RPEL1: variants seen among roughly 807,000 people sequenced by gnomAD.
RPEL1 encodes ribulose-phosphate 3-epimerase-like protein 1.
Under a neutral mutation model 12.8 loss-of-function variants are expected in RPEL1, and 7 were observed. The observed-to-expected ratio is 0.55, with a 90% CI of 0.31 to 1.03. The LOEUF (loss-of-function observed/expected upper bound fraction) is 1.03. RPEL1 is among the 50% of genes least tolerant of loss of function. The pLI is 0.05. For missense variants in RPEL1, 237 were observed against 289.4 expected, an observed-to-expected ratio of 0.82 and a Z score of 1.31; for synonymous variants, 91 against 102.0, an observed-to-expected ratio of 0.89 and a Z score of 0.65.
Position 103,247,861 on chromosome 10 carries a change from T to C in RPEL1, c.*1178T>C, listed in dbSNP as rs1254189026. 6.0e-6 allele frequency: 1 copy of C among 167,004 alleles called. No homozygotes were observed. The highest frequency in any genetic ancestry group is 1.5e-5 in the Non-Finnish European group (1 of 68,108). The allele number at this position is 167,004 out of a possible 1,614,324, so 10.3% of individuals were successfully genotyped here. A position where few individuals can be genotyped will look rare whatever the true frequency, so the allele number is the denominator to read the frequency against. On this transcript the variant is annotated 3_prime_UTR_variant, in exon 1 of 1. Transcript: ENST00000441178. ...TTACATATATGTTGTCAACAAATCC[T>C]CAGGATAATTCTAAGGCAATTCTAC...
Position 103,246,189 on chromosome 10 carries a change from C to G in RPEL1, c.193C>G (p.Pro65Ala). 6.2e-7 allele frequency: 1 copy of G among 1,614,178 alleles called. No individual in the cohort carries two copies. The highest frequency in any genetic ancestry group is 8.5e-7 in the Non-Finnish European group (1 of 1,180,046). ...ESLRKQLGQD[P>A]FFDMHMMVSK... ...CCTTCGAAAGCAGCTAGGCCAGGACCCTTTCTTTGACATGCACATGATGGT... is the reference window on the plus strand; with the variant it reads ...CCTTCGAAAGCAGCTAGGCCAGGACGCTTTCTTTGACATGCACATGATGGT... Residue 65 changes from proline (P) to alanine (A), a missense_variant, in exon 1 of 1, where the codon CCT (proline) becomes GCT (alanine). Transcript: ENST00000441178.
rs2093008217 is a variant in RPEL1 at position 103,246,370 on chromosome 10, T to C, written c.374T>C (p.Val125Ala). ...VGLAIKPGTS[V>A]EYLAPWANQI... Reference sequence around the variant, plus strand: ...CTTGCCATCAAACCAGGAACCTCAGTTGAGTATTTGGCACCATGGGCTAAT... The same window carrying C: ...CTTGCCATCAAACCAGGAACCTCAGCTGAGTATTTGGCACCATGGGCTAAT... Residue 125 changes from valine (V) to alanine (A), a missense_variant, in exon 1 of 1, where the codon GTT becomes GCT. Val to Ala is a moderately conservative substitution (Grantham distance 64). Coordinates refer to ENST00000441178, the MANE Select transcript of RPEL1 (RefSeq NM_001143909.1). 1.2e-6 allele frequency: 2 copies of C among 1,614,164 alleles called. No individual in the cohort carries two copies. Among genetic ancestry groups the C allele is most frequent in the Non-Finnish European group, 8.5e-7 (1 of 1,180,042 alleles).
At position 103,246,221 on chromosome 10, in the gene RPEL1, G is replaced by A; in HGVS notation, c.225G>A (p.Lys75=). The A allele has an allele frequency of 6.2e-7, 1 of 1,614,238 alleles. No homozygotes were observed. The highest frequency in any genetic ancestry group is 8.5e-7 in the Non-Finnish European group (1 of 1,180,038). ...PFFDMHMMVS[K]PEQWVKPMAV... Reference sequence around the variant, plus strand: ...TTGACATGCACATGATGGTGTCCAAGCCAGAACAGTGGGTAAAGCCAATGG... The same window carrying A: ...TTGACATGCACATGATGGTGTCCAAACCAGAACAGTGGGTAAAGCCAATGG... Residue 75 remains lysine, a synonymous_variant, in exon 1 of 1, where the codon AAG becomes AAA. Coordinates refer to ENST00000441178, the MANE Select transcript of RPEL1 (RefSeq NM_001143909.1).
chr10:103,246,678 C>T, the RPEL1 span: 25 of 1,611,442 alleles, frequency 1.6e-5, no homozygotes, highest in African/African-American at 4.0e-5. Context: ...TTCTCTTGAT[C>T]GATGAAACCA....
Position 103,246,965 on chromosome 10 carries a change from A to G in RPEL1, c.*282A>G. The G allele has an allele frequency of 4.4e-6, 2 of 456,132 alleles. No homozygotes were observed. The highest frequency in any genetic ancestry group is 8.0e-6 in the Non-Finnish European group (2 of 249,842). The allele number at this position is 456,132 out of a possible 1,614,324, so 28.3% of individuals were successfully genotyped here. The stretch of plus-strand genomic sequence containing the variant: ...GTAAAAATACGGCTGCATTAAGGTT[A>G]CAAACAGAAAAGTGTCTTAATGCCT... On this transcript the variant is annotated 3_prime_UTR_variant, in exon 1 of 1. Coordinates refer to ENST00000441178, the MANE Select transcript of RPEL1 (RefSeq NM_001143909.1).
rs1224741146 is a variant in RPEL1, at chr10:103,247,745, T to G, written c.*1062T>G. 1 of 166,916 alleles carries G rather than the reference T, an allele frequency of 6.0e-6. No homozygotes were observed. The highest frequency in any genetic ancestry group is 1.5e-5 in the Non-Finnish European group (1 of 68,106). The allele number at this position is 166,916 out of a possible 1,614,324, so 10.3% of individuals were successfully genotyped here. On this transcript the variant is annotated 3_prime_UTR_variant, in exon 1 of 1. Transcript: ENST00000441178. Reference sequence around the variant, plus strand: ...AAAAAAAAAGTGTTCCCTAACAGTTTCCAGAGCACGAGCTGAAGGGATTGA... The same window carrying G: ...AAAAAAAAAGTGTTCCCTAACAGTTGCCAGAGCACGAGCTGAAGGGATTGA...
chr10:103,246,811 T>C lies in RPEL1; in HGVS notation c.*128T>C. 8.3e-7 allele frequency: 1 copy of C among 1,206,298 alleles called. No homozygotes were observed. Among genetic ancestry groups the C allele is most frequent in the Non-Finnish European group, 1.1e-6 (1 of 870,056 alleles). 74.7% of individuals were successfully genotyped at this position (1,206,298 alleles called of 1,614,324 possible). ...TTTGAGCAGTTATTCATTCCAGTGA[T>C]TAAAACTGATTGTGCAGAATATTCT... On this transcript the variant is annotated 3_prime_UTR_variant, in exon 1 of 1. Coordinates refer to ENST00000441178, the MANE Select transcript of RPEL1 (RefSeq NM_001143909.1).
chr10:103,246,845 A>G lies in RPEL1; in HGVS notation c.*162A>G. 2 of 948,658 alleles carry G rather than the reference A, an allele frequency of 2.1e-6. No individual in the cohort carries two copies. The highest frequency in any genetic ancestry group is 3.3e-4 in the Middle Eastern group (1 of 2,986). 58.8% of individuals were successfully genotyped at this position (948,658 alleles called of 1,614,324 possible). A position where few individuals can be genotyped will look rare whatever the true frequency, so the allele number is the denominator to read the frequency against. On this transcript the variant is annotated 3_prime_UTR_variant, in exon 1 of 1. Transcript: ENST00000441178. Reference sequence around the variant, plus strand: ...ATTGTGCAGAATATTCTAAGAGGTCAGAAATTGGTGTGTATAACTACATTT... The same window carrying G: ...ATTGTGCAGAATATTCTAAGAGGTCGGAAATTGGTGTGTATAACTACATTT...
rs1234097703 is a variant in RPEL1 at position 103,247,371 on chromosome 10, A to G, written c.*688A>G. 1.8e-5 allele frequency: 3 copies of G among 167,078 alleles called. No homozygotes were observed. Among genetic ancestry groups the G allele is most frequent in the African/African-American group, 7.2e-5 (3 of 41,446 alleles). The allele number at this position is 167,078 out of a possible 1,614,324, so 10.3% of individuals were successfully genotyped here. On this transcript the variant is annotated 3_prime_UTR_variant, in exon 1 of 1. Coordinates refer to ENST00000441178, the MANE Select transcript of RPEL1 (RefSeq NM_001143909.1). ...GCTCTGAGTAGAAAGGAAAAAGTAA[A>G]AACCTCTGTATGGAAGTAATATTGG...
chr10:103,246,230 G>C lies in RPEL1; in HGVS notation c.234G>C (p.Gln78His), dbSNP rs777577721. The C allele has an allele frequency of 1.5e-5, 25 of 1,614,146 alleles. No homozygotes were observed. The highest frequency in any genetic ancestry group is 2.1e-5 in the Non-Finnish European group (25 of 1,180,060). The part of the protein sequence containing the change: ...DMHMMVSKPE[Q>H]WVKPMAVAEA... ...ACATGATGGTGTCCAAGCCAGAACA[G>C]TGGGTAAAGCCAATGGCTGTAGCAG... The change falls in exon 1 of 1, where the codon CAG (glutamine) becomes CAC (histidine). Residue 78 changes from glutamine to histidine, a missense_variant. Gln to His is a conservative substitution (Grantham distance 24). Coordinates refer to ENST00000441178, the MANE Select transcript of RPEL1 (RefSeq NM_001143909.1).
chr10:103,247,517 A>G lies in RPEL1; in HGVS notation c.*834A>G, dbSNP rs1434589795. The G allele has an allele frequency of 6.0e-6, 1 of 166,992 alleles. No individual in the cohort carries two copies. The highest frequency in any genetic ancestry group is 2.4e-5 in the African/African-American group (1 of 41,426). 10.3% of individuals were successfully genotyped at this position (166,992 alleles called of 1,614,324 possible). A position where few individuals can be genotyped will look rare whatever the true frequency, so the allele number is the denominator to read the frequency against. On this transcript the variant is annotated 3_prime_UTR_variant, in exon 1 of 1. Transcript: ENST00000441178. ...ATAACAACTGTGGGGTTGTGTTGAG[A>G]ATTAAGAGGTAACACTATATATGTA... is the stretch of plus-strand genomic sequence containing the variant.
rs1446415559 is a variant in RPEL1 at position 103,246,937 on chromosome 10, A to G, written c.*254A>G. On this transcript the variant is annotated 3_prime_UTR_variant, in exon 1 of 1. Coordinates refer to ENST00000441178, the MANE Select transcript of RPEL1 (RefSeq NM_001143909.1). ...TTATTGAGAGACTTGATTTTTATAA[A>G]GAGTAAAAATACGGCTGCATTAAGG... is the stretch of plus-strand genomic sequence containing the variant. 1.5e-5 allele frequency: 8 copies of G among 547,174 alleles called. No individual in the cohort carries two copies. The highest frequency in any genetic ancestry group is 2.6e-5 in the Non-Finnish European group (8 of 307,156). 33.9% of individuals were successfully genotyped at this position (547,174 alleles called of 1,614,324 possible).
In RPEL1 at chr10:103,246,646, G is replaced by A. The variant is rs747393612; in HGVS notation, c.650G>A (p.Cys217Tyr). The A allele has an allele frequency of 1.9e-6, 3 of 1,613,936 alleles. No homozygotes were observed. The highest frequency in any genetic ancestry group is 1.7e-5 in the Admixed American group (1 of 59,972). The stretch of plus-strand genomic sequence containing the variant: ...GTGATCAACCTATTAAGAAATATTT[G>A]CTCAGAAGCTGCTCAGAAACGTTCT... Reference protein sequence around the residue: ...RSVINLLRNICSEAAQKRSLD... With the variant: ...RSVINLLRNIYSEAAQKRSLD... Residue 217 changes from cysteine to tyrosine, a missense_variant, in exon 1 of 1, where the codon TGC becomes TAC. Physicochemically the swap from Cys to Tyr is radical, Grantham distance 194. Coordinates refer to ENST00000441178, the MANE Select transcript of RPEL1 (RefSeq NM_001143909.1).
rs1301797302 is a variant in RPEL1, at chr10:103,246,830, A to C, written c.*147A>C. 2.3e-5 allele frequency: 25 copies of C among 1,085,164 alleles called. No homozygotes were observed. Among genetic ancestry groups the C allele is most frequent in the Non-Finnish European group, 3.1e-5 (24 of 764,988 alleles). The allele number at this position is 1,085,164 out of a possible 1,614,324, so 67.2% of individuals were successfully genotyped here. Reference sequence around the variant, plus strand: ...CAGTGATTAAAACTGATTGTGCAGAATATTCTAAGAGGTCAGAAATTGGTG... The same window carrying C: ...CAGTGATTAAAACTGATTGTGCAGACTATTCTAAGAGGTCAGAAATTGGTG... On this transcript the variant is annotated 3_prime_UTR_variant, in exon 1 of 1. Transcript: ENST00000441178.
chr10:103,245,968 G>T lies in RPEL1; in HGVS notation c.-29G>T, dbSNP rs1564707359. 1.2e-6 allele frequency: 2 copies of T among 1,608,810 alleles called. No homozygotes were observed. Among genetic ancestry groups the T allele is most frequent in the Admixed American group, 1.7e-5 (1 of 59,802 alleles). On this transcript the variant is annotated 5_prime_UTR_variant, in exon 1 of 1. Transcript: ENST00000441178. The stretch of plus-strand genomic sequence containing the variant: ...GGCTCTAGTCTTGCCGGGGACTCGT[G>T]GGGTAACTTGTTCTTGGGAGCCAGC...
chr10:103,245,915 T>G lies in RPEL1; in HGVS notation c.-82T>G. The G allele has an allele frequency of 6.7e-7, 1 of 1,495,862 alleles. No individual in the cohort carries two copies. Among genetic ancestry groups the G allele is most frequent in the Non-Finnish European group, 8.8e-7 (1 of 1,132,310 alleles). The allele number at this position is 1,495,862 out of a possible 1,614,324, so 92.7% of individuals were successfully genotyped here. On this transcript the variant is annotated 5_prime_UTR_variant, in exon 1 of 1. Transcript: ENST00000441178. Reference sequence around the variant, plus strand: ...GCCAAACTGTGGTTCTTTGGTAGAATTTCCTGGTTTTAAAAAAAAAAAAAG... The same window carrying G: ...GCCAAACTGTGGTTCTTTGGTAGAAGTTCCTGGTTTTAAAAAAAAAAAAAG...
rs1221500538 is a variant in RPEL1, at chr10:103,246,547, A to T, written c.551A>T (p.His184Leu). The part of the protein sequence containing the change: ...GDGGVGSDTV[H>L]KCAEAGANMT... ...GGTGGAGTAGGTTCTGACACTGTCC[A>T]TAAGTGTGCAGAGGCAGGAGCTAAC... The change falls in exon 1 of 1, where the codon CAT becomes CTT. Residue 184 changes from histidine (H) to leucine (L), a missense_variant. Physicochemically the swap from His to Leu is moderately conservative, Grantham distance 99. Coordinates refer to ENST00000441178, the MANE Select transcript of RPEL1 (RefSeq NM_001143909.1). 1.2e-6 allele frequency: 2 copies of T among 1,614,216 alleles called. No individual in the cohort carries two copies. The highest frequency in any genetic ancestry group is 1.1e-5 in the South Asian group (1 of 91,092).
Position 103,245,945 on chromosome 10 carries a change from C to A in RPEL1, c.-52C>A. 2 of 1,567,496 alleles carry A rather than the reference C, an allele frequency of 1.3e-6. No homozygotes were observed. Among genetic ancestry groups the A allele is most frequent in the Non-Finnish European group, 1.7e-6 (2 of 1,160,336 alleles). On this transcript the variant is annotated 5_prime_UTR_variant, in exon 1 of 1. Transcript: ENST00000441178. ...TGGTTTTAAAAAAAAAAAAAGTGGG[C>A]TCTAGTCTTGCCGGGGACTCGTGGG...
rs2093010934 is a variant in RPEL1, at chr10:103,247,986, T to C, written c.*1303T>C. 6.0e-6 allele frequency: 1 copy of C among 166,914 alleles called. No homozygotes were observed. Among genetic ancestry groups the C allele is most frequent in the Admixed American group, 6.6e-5 (1 of 15,258 alleles). 10.3% of individuals were successfully genotyped at this position (166,914 alleles called of 1,614,324 possible). On this transcript the variant is annotated 3_prime_UTR_variant, in exon 1 of 1. Coordinates refer to ENST00000441178, the MANE Select transcript of RPEL1 (RefSeq NM_001143909.1). ...TCATATAGCTAGTAAGGGTGCAGTA[T>C]AGGTTCGAACCCACCTGCCTGATTA...
Sources: gnomAD v4.1 joint callset for allele counts on GRCh38, gnomAD v4.1.1 for gene constraint, MANE v1.5 for transcripts, NCBI Gene and HGNC (gene_info 2026-07-23, HGNC 2026-07-21) for gene names.